NRAP: variants seen among roughly 807,000 people sequenced by gnomAD.
The protein encoded by NRAP is nebulin-related-anchoring protein.
Under a neutral mutation model 225.9 loss-of-function variants are expected in NRAP, and 189 were observed. The observed-to-expected ratio is 0.84, with a 90% CI of 0.74 to 0.94. The LOEUF is 0.94. Among genes scored for constraint, NRAP ranks in the 40% least tolerant of loss-of-function variants. The pLI, the probability that NRAP is intolerant of heterozygous loss-of-function variation, is 0.00. For missense variants in NRAP, 2,176 were observed against 2,168.7 expected (o/e 1.00, Z -0.07); for synonymous variants, 769 against 790.7 (o/e 0.97, Z 0.46).
At chr10:113,649,692 T>C (rs956446037) in intron 9 of NRAP, among the ~76,000 whole-genome samples, 1 of 152,252 alleles carries the variant, frequency 6.6e-6, no homozygotes, top group African/African-American at 2.4e-5. Context: ...TTGATCTCTA[T>C]GTTGCTTATG....
intron 25 of NRAP, among the ~76,000 whole-genome samples, chr10:113,618,861 G>A (rs539597610): frequency 4.6e-5 from 7 of 152,266 alleles, no homozygotes; most frequent in South Asian, 2.1e-4. Context: ...TAGGAGAATC[G>A]CTTGAACCCA....
At chr10:113,597,285 C>A in intron 36 of NRAP, 101 bp from the exon 37 acceptor site, 2 of 754,294 alleles carry the variant, frequency 2.7e-6, no homozygotes, top group Non-Finnish European at 4.8e-6. Flanking sequence ...ACATGCCAAT[C>A]ATATTGTTGG....
Position 113,606,302 on chromosome 10 carries a change from T to G in NRAP, c.3703-20A>C. On this transcript the variant is annotated intron_variant, in intron 32 of 41. Transcript: ENST00000359988. ...GAGGCGCTAGGCCAAAAAAATATAA[T>G]AATAATAATGCAAGAGATAAGTGCT... is the stretch of plus-strand genomic sequence containing the variant. 1 of 1,430,404 alleles carries G rather than the reference T, an allele frequency of 7.0e-7. No individual in the cohort carries two copies. Among genetic ancestry groups the G allele is most frequent in the South Asian group, 1.1e-5 (1 of 87,260 alleles). 88.6% of individuals were successfully genotyped at this position (1,430,404 alleles called of 1,614,324 possible). A position where few individuals can be genotyped will look rare whatever the true frequency, so the allele number is the denominator to read the frequency against.
chr10:113,630,479 C>T (rs960979173), intron 18 of NRAP, among the ~76,000 whole-genome samples: 7 of 152,026 alleles, frequency 4.6e-5, no homozygotes, highest in South Asian at 2.1e-4. Flanking sequence ...ATAGTGGTGA[C>T]GATGGTAGTG....
chr10:113,633,922 T>A (rs1415178262), intron 15 of NRAP, among the ~76,000 whole-genome samples, 190 bp downstream of exon 15: 1 of 152,168 alleles, frequency 6.6e-6, no homozygotes, highest in African/African-American at 2.4e-5. Context: ...TATGCTATAC[T>A]CTCTACTTTT....
chr10:113,621,314 TACACAC>T (rs5788033), intron 24 of NRAP, among the ~76,000 whole-genome samples: 32 of 150,862 alleles, frequency 2.1e-4, no homozygotes, highest in South Asian at 1.1e-3. Context: ...AGGGTGTGTC[TACACAC>T]ACACACACAC....
chr10:113,598,803 TTA>T (rs1239144262), intron 35 of NRAP, among the ~76,000 whole-genome samples: 1 of 152,214 alleles, frequency 6.6e-6, no homozygotes, highest in African/African-American at 2.4e-5. Context: ...TATGATTTGT[TTA>T]TATTCCAAAA....
chr10:113,613,280 A>G (rs1294134729), intron 29 of NRAP, among the ~76,000 whole-genome samples: 1 of 152,202 alleles, frequency 6.6e-6, no homozygotes, highest in Non-Finnish European at 1.5e-5. Context: ...TGAATGGGGA[A>G]ACTGGGGCAG....
intron 11 of NRAP, among the ~76,000 whole-genome samples, chr10:113,645,141 G>A (rs1327046289): frequency 1.3e-5 from 2 of 152,300 alleles, no homozygotes; most frequent in East Asian, 1.9e-4. Context: ...TCAGTAATAA[G>A]AGAACGAGAG....
At chr10:113,650,646 C>A in intron 7 of NRAP, 101 bp from the exon 8 acceptor site, 2 of 784,400 alleles carry the variant, frequency 2.5e-6, no homozygotes, top group South Asian at 1.5e-5. Flanking sequence ...CATCTCCTGT[C>A]ATAGCTCATA....
intron 4 of NRAP, among the ~76,000 whole-genome samples, chr10:113,654,351 T>C (rs1331956332): frequency 1.3e-5 from 2 of 152,124 alleles, no homozygotes; most frequent in African/African-American, 4.8e-5. Flanking sequence ...ATTTTGAATG[T>C]AACAACATTT....
At chr10:113,602,780 G>C (rs549079016) in intron 35 of NRAP, among the ~76,000 whole-genome samples, 37 of 152,328 alleles carry the variant, frequency 2.4e-4, no homozygotes, top group African/African-American at 8.2e-4. Context: ...ACTTATTCTA[G>C]TGTTTCCATG....
intron 35 of NRAP, among the ~76,000 whole-genome samples, chr10:113,601,001 C>G (rs1025688542): frequency 6.6e-6 from 1 of 152,208 alleles, no homozygotes; most frequent in African/African-American, 2.4e-5. Flanking sequence ...GGGACTGTCT[C>G]CGTGACATTT....
intron 11 of NRAP, among the ~76,000 whole-genome samples, chr10:113,644,104 G>A (rs1490449505): frequency 5.1e-5 from 6 of 117,592 alleles, no homozygotes; most frequent in Non-Finnish European, 6.4e-5. Context: ...CTGAGACTGC[G>A]CCATTGCACT....
rs772105706 is a variant in NRAP, at chr10:113,590,782, CT to C, written c.4751del (p.Gln1584ArgfsTer76). On this transcript the variant is annotated frameshift_variant, in exon 40 of 42. Transcript: ENST00000359988. LOFTEE classifies it high-confidence loss of function. Reference sequence around the variant, plus strand: ...AGTCCTTCTTGTACTCATTGTCACTCTGGAGCCTGCCAACGTTGAGGAAATG... The same window carrying C: ...AGTCCTTCTTGTACTCATTGTCACTCGGAGCCTGCCAACGTTGAGGAAATG... The part of the protein sequence containing the change: ...MKHFLNVGRL[Q>X]SDNEYKKDFA... 3.7e-6 allele frequency: 6 copies of C among 1,614,220 alleles called. No individual in the cohort carries two copies. The highest frequency in any genetic ancestry group is 5.1e-6 in the Non-Finnish European group (6 of 1,180,030).
At chr10:113,637,783 G>A (rs899090327) in intron 14 of NRAP, among the ~76,000 whole-genome samples, 5 of 152,112 alleles carry the variant, frequency 3.3e-5, no homozygotes, top group Non-Finnish European at 5.9e-5. Context: ...ATTAGGGAGC[G>A]TGGTGGCGCA....
At chr10:113,650,001 G>T in intron 9 of NRAP, 36 bp downstream of exon 9, 1 of 1,227,460 alleles carries the variant, frequency 8.1e-7, no homozygotes, top group Non-Finnish European at 1.2e-6. Flanking sequence ...GCCAAACATG[G>T]AAAAGAGCAG....
chr10:113,592,323 A>C (rs1221740375), intron 38 of NRAP, 22 bp from the exon 39 acceptor site: 1 of 1,503,612 alleles, frequency 6.7e-7, no homozygotes, highest in South Asian at 1.1e-5. Context: ...AAACAAAAGC[A>C]TGAGTAAGCA....
intron 4 of NRAP, among the ~76,000 whole-genome samples, chr10:113,655,224 A>T (rs1443182198): frequency 6.6e-6 from 1 of 152,206 alleles, no homozygotes; most frequent in East Asian, 1.9e-4. Flanking sequence ...TGCCTTTGGG[A>T]GTATAAAATG....
Sources: gnomAD v4.1 joint callset for allele counts (sites outside exome capture counted in the v4.1 genomes callset) on GRCh38, gnomAD v4.1.1 for gene constraint, MANE v1.5 for transcripts, NCBI Gene and HGNC (gene_info 2026-07-23, HGNC 2026-07-21) for gene names.